The following SPATA9 variants were observed in gnomAD, a reference collection of about 807,000 sequenced individuals.
SPATA9 encodes the protein spermatogenesis-associated protein 9.
A neutral mutation model predicts 25.5 loss-of-function variants in SPATA9; 27 were observed. The ratio of observed to expected loss-of-function variants is 1.06; its 90% CI spans 0.78 to 1.46. The LOEUF is 1.46. Ranked by LOEUF, SPATA9 falls within the 40% of genes most tolerant of loss-of-function variation. The pLI is 0.00. For missense variants in SPATA9, 282 were observed against 297.5 expected (o/e 0.95, Z 0.38); for synonymous variants, 102 against 105.7 (o/e 0.97, Z 0.21).
upstream of SPATA9, among the ~76,000 whole-genome samples, chr5:95,703,559 G>A (rs1180712857): frequency 6.6e-6 from 1 of 152,026 alleles, no homozygotes; most frequent in Non-Finnish European, 1.5e-5. Flanking sequence ...GCTTTAACCT[G>A]GGAGGTGGAG....
At chr5:95,712,489 T>C in the SPATA9 span, among the ~76,000 whole-genome samples, 1 of 152,174 alleles carries the variant, frequency 6.6e-6, no homozygotes, top group Non-Finnish European at 1.5e-5. Context: ...TGAGCCACCA[T>C]GTAAGATGTC....
the SPATA9 span, chr5:95,708,790 T>G: frequency 1.7e-6 from 1 of 601,490 alleles, no homozygotes; most frequent in Non-Finnish European, 3.0e-6. Context: ...AAAGGTGACT[T>G]CCTTGGAAGT....
chr5:95,711,656 T>C, the SPATA9 span, among the ~76,000 whole-genome samples: 5 of 151,924 alleles, frequency 3.3e-5, no homozygotes, highest in Non-Finnish European at 5.9e-5. Context: ...TGTAAGGCGG[T>C]GGGACTGGGT....
chr5:95,654,293 G>C (rs748359530), downstream of SPATA9: 1 of 1,610,194 alleles, frequency 6.2e-7, no homozygotes, highest in Middle Eastern at 1.8e-4. Context: ...CAAAATTTCA[G>C]TTTTTTAGTG....
At chr5:95,691,628 T>C (rs754504804) in intron 1 of SPATA9, among the ~76,000 whole-genome samples, 2 of 152,224 alleles carry the variant, frequency 1.3e-5, no homozygotes, top group South Asian at 2.1e-4. Context: ...AAATTCAGTA[T>C]CTTCAAGGAG....
At chr5:95,653,881 G>C (rs1458266883), downstream of SPATA9, among the ~76,000 whole-genome samples, 2 of 152,202 alleles carry the variant, frequency 1.3e-5, no homozygotes, top group African/African-American at 2.4e-5. Flanking sequence ...CTGGGTGACA[G>C]AGTGAGACTC....
the SPATA9 span, among the ~76,000 whole-genome samples, chr5:95,719,103 A>G: frequency 0.062 from 9,481 of 152,208 alleles, 893 homozygotes; most frequent in African/African-American, 0.2. Flanking sequence ...GATCATAGAG[A>G]ACATGGACAT....
At chr5:95,692,792 G>A (rs1753923471) in intron 1 of SPATA9, among the ~76,000 whole-genome samples, 2 of 152,028 alleles carry the variant, frequency 1.3e-5, no homozygotes, top group African/African-American at 4.8e-5. Flanking sequence ...TTTTAGATCA[G>A]AGAATATGGT....
chr5:95,686,298 A>T (rs929972819), upstream of SPATA9, among the ~76,000 whole-genome samples: 4 of 152,234 alleles, frequency 2.6e-5, no homozygotes, highest in Non-Finnish European at 5.9e-5. Context: ...TAAGATGTGG[A>T]TTCTATATTT....
the SPATA9 span, chr5:95,731,989 A>G: frequency 6.2e-7 from 1 of 1,614,158 alleles, no homozygotes; most frequent in Non-Finnish European, 8.5e-7. Context: ...CTTGTTGCTG[A>G]ACGCGGCCAG....
At chr5:95,700,884 T>C (rs1420119927), upstream of SPATA9, among the ~76,000 whole-genome samples, 3 of 152,244 alleles carry the variant, frequency 2.0e-5, no homozygotes, top group Admixed American at 6.5e-5. Flanking sequence ...TATGGATTCA[T>C]ATAATTTTCA....
intron 4 of SPATA9, 109 bp from the exon 5 acceptor site, chr5:95,659,022 C>G: frequency 7.2e-7 from 1 of 1,393,854 alleles, no homozygotes; most frequent in South Asian, 1.5e-5. Flanking sequence ...TCTACATAAT[C>G]TAATAAAAAA....
the SPATA9 span, among the ~76,000 whole-genome samples, chr5:95,720,363 T>C: frequency 6.6e-6 from 1 of 152,250 alleles, no homozygotes; most frequent in South Asian, 2.1e-4. Flanking sequence ...TTTGAGATTA[T>C]GATGGGGATC....
intron 3 of SPATA9, among the ~76,000 whole-genome samples, chr5:95,666,100 A>T (rs1751782305): frequency 6.6e-6 from 1 of 152,160 alleles, no homozygotes; most frequent in Admixed American, 6.5e-5. Flanking sequence ...TCTTAAAACA[A>T]TCCTATGAAG....
chr5:95,658,687 C>T lies in SPATA9; in HGVS notation c.701G>A (p.Ser234Asn), dbSNP rs751258621. Residue 234 changes from serine to asparagine, a missense_variant, in exon 5 of 5, where the codon AGT becomes AAT. Ser to Asn is a conservative substitution (Grantham distance 46). Coordinates refer to ENST00000274432, the MANE Select transcript of SPATA9 (RefSeq NM_031952.4). ...AGAATGTAAAACTTGGATGTTATTA[C>T]TCTGCTTATTAGCAAGAAGCTTGGG... is the stretch of plus-strand genomic sequence containing the variant. ...DYPKLLANKQ[S>N]NNIQVLHSVF... 2.5e-6 allele frequency: 4 copies of T among 1,613,730 alleles called. No homozygotes were observed. Among genetic ancestry groups the T allele is most frequent in the Non-Finnish European group, 3.4e-6 (4 of 1,179,868 alleles).
chr5:95,713,671 C>A, the SPATA9 span: 1 of 152,032 alleles, frequency 6.6e-6, no homozygotes, highest in South Asian at 2.1e-4. Context: ...GACTAACACA[C>A]CAGTAGATAA....
At chr5:95,705,622 T>C in the SPATA9 span, among the ~76,000 whole-genome samples, 2 of 152,130 alleles carry the variant, frequency 1.3e-5, no homozygotes, top group African/African-American at 2.4e-5. Flanking sequence ...AAAAAGAAAA[T>C]GAATTGAGTA....
chr5:95,661,417 C>G (rs530471164), intron 4 of SPATA9, among the ~76,000 whole-genome samples: 38 of 152,194 alleles, frequency 2.5e-4, no homozygotes, highest in African/African-American at 8.7e-4. Flanking sequence ...GCCTTAGATA[C>G]ATATATGACC....
chr5:95,731,811 C>T, the SPATA9 span: 2 of 1,599,560 alleles, frequency 1.3e-6, no homozygotes, highest in Admixed American at 1.7e-5. Context: ...GAGAGACCCG[C>T]GCGCTGACCG....
Sources: allele counts gnomAD v4.1 joint callset (sites outside exome capture counted in the v4.1 genomes callset), GRCh38; gene constraint gnomAD v4.1.1; transcripts MANE v1.5; gene names NCBI Gene and HGNC (gene_info 2026-07-23, HGNC 2026-07-21).